Variants in TFEC observed in about 807,000 individuals in gnomAD.
TFEC encodes the protein transcription factor EC, also known as class E basic helix-loop-helix protein 34.
Under a neutral mutation model 41.6 loss-of-function variants are expected in TFEC, and 31 were observed. That is an observed-to-expected ratio of 0.74 (90% CI 0.56 to 1.01). The LOEUF is 1.01. Ranked by LOEUF, TFEC falls within the 50% of genes least tolerant of loss-of-function variation. TFEC has a pLI of 0.00. For missense variants in TFEC, 402 were observed against 404.1 expected (o/e 0.99, Z 0.04); for synonymous variants, 143 against 140.6 (o/e 1.02, Z -0.12).
chr7:116,030,744 T>C lies in TFEC; in HGVS notation c.-184A>G. ...CAGAAGGGACAACCAAAGTAAACGA[T>C]CTAGCCGTGAGTAATGAATACTTTG... On this transcript the variant is annotated 5_prime_UTR_variant, in exon 1 of 8. Coordinates refer to ENST00000265440, the MANE Select transcript of TFEC (RefSeq NM_012252.4). 2 of 985,348 alleles carry C rather than the reference T, an allele frequency of 2.0e-6. No individual in the cohort carries two copies. The highest frequency in any genetic ancestry group is 2.4e-6 in the Non-Finnish European group (2 of 829,930). The allele number at this position is 985,348 out of a possible 1,614,324, so 61.0% of individuals were successfully genotyped here.
At position 116,116,703 on chromosome 7, in the gene TFEC, A is replaced by G. The variant is rs907665338; in HGVS notation, c.-68-4665T>C. Among the ~76,000 whole-genome samples the G allele has an allele frequency of 3.3e-5, 5 of 152,056 alleles. No individual in the cohort carries two copies. The East Asian group carries it at 9.7e-4, about 29-fold the overall frequency. On this transcript the variant is annotated intron_variant, in intron 1 of 8. Coordinates refer to the TFEC transcript ENST00000484212. The stretch of plus-strand genomic sequence containing the variant: ...AATCTACTATTCTATGAATGAGCAA[A>G]TAAGAGCACATGTCCCCAAAATGTA...
intron 6 of TFEC, among the ~76,000 whole-genome samples, chr7:115,943,810 G>T (rs1252931891): frequency 2.6e-5 from 4 of 151,178 alleles, no homozygotes; most frequent in African/African-American, 9.7e-5. Flanking sequence ...TTAAAATGTT[G>T]GTGGATTAAA....
At chr7:116,038,434 A>T (rs1019668044) in intron 3 of TFEC, among the ~76,000 whole-genome samples, 1 of 152,036 alleles carries the variant, frequency 6.6e-6, no homozygotes, top group African/African-American at 2.4e-5. Context: ...TAAACGACTG[A>T]TAAGACTTAA....
intron 3 of TFEC, among the ~76,000 whole-genome samples, chr7:116,054,751 A>G (rs1197490116): frequency 6.6e-6 from 1 of 152,122 alleles, no homozygotes; most frequent in Non-Finnish European, 1.5e-5. Context: ...AATGTAGCTG[A>G]GCATCTTGTA....
intron 1 of TFEC, among the ~76,000 whole-genome samples, chr7:115,989,610 G>A (rs980767584): frequency 2.0e-5 from 3 of 152,208 alleles, no homozygotes; most frequent in East Asian, 3.9e-4. Context: ...CATGCCCACG[G>A]AGCCTTGCTC....
chr7:115,954,423 G>C (rs1792106529), intron 5 of TFEC, among the ~76,000 whole-genome samples, 163 bp downstream of exon 5: 1 of 151,998 alleles, frequency 6.6e-6, no homozygotes, highest in African/African-American at 2.4e-5. Context: ...GCTTTTCTGA[G>C]AGCTCACATT....
chr7:116,146,038 T>C (rs980805215), intron 1 of TFEC, among the ~76,000 whole-genome samples: 1 of 152,164 alleles, frequency 6.6e-6, no homozygotes, highest in Non-Finnish European at 1.5e-5. Context: ...CCAGCAATAA[T>C]GGAAGACAAG....
chr7:116,154,084 G>A (rs1798819722), intron 1 of TFEC, among the ~76,000 whole-genome samples: 2 of 152,170 alleles, frequency 1.3e-5, no homozygotes, highest in South Asian at 4.1e-4. Context: ...CCTTGAAACA[G>A]ACATTAAGAG....
chr7:116,024,610 C>T (rs1422097738), intron 1 of TFEC, among the ~76,000 whole-genome samples: 1 of 152,118 alleles, frequency 6.6e-6, no homozygotes, highest in African/African-American at 2.4e-5. Context: ...CCTATTACCA[C>T]CTGTTTCAAA....
At chr7:116,011,817 C>G (rs983052095) in intron 1 of TFEC, among the ~76,000 whole-genome samples, 4 of 152,112 alleles carry the variant, frequency 2.6e-5, no homozygotes, top group Admixed American at 1.3e-4. Context: ...CACTTCACAA[C>G]AGAGCTAGTT....
chr7:116,099,674 A>G (rs1797559710), intron 3 of TFEC, among the ~76,000 whole-genome samples: 1 of 152,176 alleles, frequency 6.6e-6, no homozygotes, highest in Admixed American at 6.5e-5. Context: ...CAGGACACTC[A>G]CCCAACAAGA....
intron 3 of TFEC, among the ~76,000 whole-genome samples, chr7:116,072,533 T>C (rs1796854293): frequency 6.6e-6 from 1 of 151,648 alleles, no homozygotes; most frequent in Admixed American, 6.6e-5. Context: ...TAAACAAGTA[T>C]TCAGCTAAAG....
chr7:116,072,825 T>C (rs1796861578), intron 3 of TFEC, among the ~76,000 whole-genome samples: 1 of 151,526 alleles, frequency 6.6e-6, no homozygotes, highest in South Asian at 2.1e-4. Context: ...CAACTTAATA[T>C]AGGGTATCTA....
chr7:115,965,631 G>C (rs1317507699), intron 3 of TFEC, among the ~76,000 whole-genome samples: 1 of 151,550 alleles, frequency 6.6e-6, no homozygotes, highest in African/African-American at 2.4e-5. Flanking sequence ...ACATATTTTT[G>C]AGACAATACA....
intron 3 of TFEC, among the ~76,000 whole-genome samples, chr7:116,103,947 T>C (rs376606711): frequency 6.6e-6 from 1 of 152,212 alleles, no homozygotes; most frequent in East Asian, 1.9e-4. Flanking sequence ...ACAAGAAAAA[T>C]TTGAAAATGG....
chr7:116,076,371 A>AC (rs1285591889), intron 3 of TFEC, among the ~76,000 whole-genome samples: 3 of 152,058 alleles, frequency 2.0e-5, no homozygotes, highest in Admixed American at 6.6e-5. Context: ...TGTTTCTTTA[A>AC]CACCCCCAAA....
intron 3 of TFEC, among the ~76,000 whole-genome samples, chr7:116,057,183 A>G (rs181480081): frequency 4.9e-4 from 74 of 152,190 alleles, no homozygotes; most frequent in African/African-American, 1.6e-3. Context: ...GGCAAATTCA[A>G]GTGGTCTAAA....
intron 1 of TFEC, among the ~76,000 whole-genome samples, chr7:116,016,485 G>A (rs756206608): frequency 2.6e-5 from 4 of 152,104 alleles, no homozygotes; most frequent in Non-Finnish European, 5.9e-5. Context: ...CACATGCAGT[G>A]ACTTGAACAG....
At chr7:116,121,501 T>A (rs1331497456) in intron 1 of TFEC, 1 of 152,028 alleles carries the variant, frequency 6.6e-6, no homozygotes, top group South Asian at 2.1e-4. Flanking sequence ...GTTGACATCA[T>A]TGTGAATGTA....
Sources: allele counts gnomAD v4.1 joint callset (sites outside exome capture counted in the v4.1 genomes callset), GRCh38; gene constraint gnomAD v4.1.1; transcripts MANE v1.5; gene names NCBI Gene and HGNC (gene_info 2026-07-23, HGNC 2026-07-21).